Variants in SLC6A15 observed in about 807,000 individuals in gnomAD.
The protein encoded by SLC6A15 is sodium-dependent neutral amino acid transporter B(0)AT2.
In SLC6A15, 33 loss-of-function variants were observed where a neutral mutation model predicts 68.5. The observed-to-expected ratio is 0.48, with a 90% CI of 0.37 to 0.64. The LOEUF (loss-of-function observed/expected upper bound fraction) is 0.64. SLC6A15 is among the 30% of genes least tolerant of loss of function. SLC6A15 has a pLI of 0.00. For synonymous variants in SLC6A15, 347 were observed against 301.0 expected (o/e 1.15, Z -1.58); for missense variants, 747 against 874.3 (o/e 0.85, Z 1.84).
In SLC6A15 at chr12:84,861,973, C is replaced by T. The variant is rs2120523331; in HGVS notation, c.1852G>A (p.Gly618Arg). The change falls in exon 12 of 12, where the codon GGA (glycine) becomes AGA (arginine). Residue 618 changes from glycine to arginine, a missense_variant. Physicochemically the swap from Gly to Arg is moderately radical, Grantham distance 125. Coordinates refer to ENST00000266682, the MANE Select transcript of SLC6A15 (RefSeq NM_182767.6). The part of the protein sequence containing the change: ...SEEFLSYPTW[G>R]LVVCVSLVVF... ...ACCAGAGAGACACAAACAACCAGTC[C>T]CCATGTTGGATAGCTCAGAAATTCT... is the stretch of plus-strand genomic sequence containing the variant. 6.2e-7 allele frequency: 1 copy of T among 1,609,982 alleles called. No homozygotes were observed. The highest frequency in any genetic ancestry group is 8.5e-7 in the Non-Finnish European group (1 of 1,178,578).
At chr12:84,901,925 G>T (rs1259986931) in intron 1 of SLC6A15, among the ~76,000 whole-genome samples, 2 of 151,366 alleles carry the variant, frequency 1.3e-5, no homozygotes, top group Non-Finnish European at 3.0e-5. Context: ...TCTAATATAG[G>T]ACAAAAATAA....
At chr12:84,870,771 C>G in intron 8 of SLC6A15, 101 bp from the exon 9 acceptor site, 1 of 654,640 alleles carries the variant, frequency 1.5e-6, no homozygotes, top group Non-Finnish European at 2.5e-6. Flanking sequence ...GAATAATGGC[C>G]AGGACTGCTG....
intron 4 of SLC6A15, among the ~76,000 whole-genome samples, chr12:84,885,020 G>A (rs1872020700): frequency 6.6e-6 from 1 of 151,382 alleles, no homozygotes; most frequent in Non-Finnish European, 1.5e-5. Flanking sequence ...TATATTATGG[G>A]ATTTAAAAAA....
At chr12:84,900,856 T>G (rs911945722) in intron 1 of SLC6A15, among the ~76,000 whole-genome samples, 8 of 151,058 alleles carry the variant, frequency 5.3e-5, no homozygotes, top group Non-Finnish European at 1.2e-4. Flanking sequence ...TGTTATAGAT[T>G]TTCTTTCAAC....
intron 1 of SLC6A15, among the ~76,000 whole-genome samples, chr12:84,904,343 C>T (rs1396585957): frequency 6.6e-6 from 1 of 152,036 alleles, no homozygotes; most frequent in Non-Finnish European, 1.5e-5. Flanking sequence ...CCAGGTAACA[C>T]ACCAATTAGA....
At chr12:84,898,121 C>T (rs1872705798) in intron 1 of SLC6A15, among the ~76,000 whole-genome samples, 1 of 152,200 alleles carries the variant, frequency 6.6e-6, no homozygotes, top group African/African-American at 2.4e-5. Context: ...GGGCAGATCA[C>T]TTGATGCCAG....
Position 84,891,899 on chromosome 12 carries a change from T to C in SLC6A15, c.222A>G (p.Gln74=), listed in dbSNP as rs1041615569. The C allele has an allele frequency of 6.8e-6, 11 of 1,613,934 alleles. No individual in the cohort carries two copies. The highest frequency in any genetic ancestry group is 2.7e-5 in the African/African-American group (2 of 74,912). The stretch of plus-strand genomic sequence containing the variant: ...TTCCTAAACCTACAGAAAATCCAAC[T>C]TGGGCCAGGATGTATTGTAGTTTAC... ...WNSKLQYILA[Q]VGFSVGLGNV... The change falls in exon 2 of 12, where the codon CAA becomes CAG. Residue 74 remains glutamine, a synonymous_variant. Coordinates refer to ENST00000266682, the MANE Select transcript of SLC6A15 (RefSeq NM_182767.6).
intron 2 of SLC6A15, among the ~76,000 whole-genome samples, chr12:84,886,827 C>T (rs2120651104): frequency 6.6e-6 from 1 of 152,236 alleles, no homozygotes; most frequent in African/African-American, 2.4e-5. Flanking sequence ...CAAATTAAGA[C>T]ATATGACTAT....
intron 6 of SLC6A15, among the ~76,000 whole-genome samples, chr12:84,874,784 G>A (rs889305477): frequency 6.6e-6 from 1 of 152,040 alleles, no homozygotes; most frequent in Admixed American, 6.5e-5. Context: ...ATTACCAGCA[G>A]CCCAGTTTCT....
At chr12:84,874,353 C>T (rs1448190222) in intron 6 of SLC6A15, 3 of 152,048 alleles carry the variant, frequency 2.0e-5, no homozygotes, top group Admixed American at 6.6e-5. Context: ...GCTCAGTAAC[C>T]GATAACATAG....
At chr12:84,898,676 GA>G (rs1872730116) in intron 1 of SLC6A15, among the ~76,000 whole-genome samples, 1 of 152,118 alleles carries the variant, frequency 6.6e-6, no homozygotes, top group Admixed American at 6.5e-5. Context: ...ACACTGAGAG[GA>G]CTCAATATAT....
chr12:84,869,452 A>G (rs572808661), intron 9 of SLC6A15, among the ~76,000 whole-genome samples: 17 of 137,848 alleles, frequency 1.2e-4, no homozygotes, highest in South Asian at 2.4e-4. Flanking sequence ...GCGACAGAGC[A>G]AGACTCCGTC....
rs780632349 is a variant in SLC6A15, at chr12:84,861,895, G to A, written c.1930C>T (p.Leu644Phe). ...PVVFIVRRFNLIDDSSGNLAS... is the reference protein window; with the variant it reads ...PVVFIVRRFNFIDDSSGNLAS... ...AAATTACCAGAACTATCATCTATAAGGTTGAAGCGACGAACAATGAAAACT... is the reference window on the plus strand; with the variant it reads ...AAATTACCAGAACTATCATCTATAAAGTTGAAGCGACGAACAATGAAAACT... Residue 644 changes from leucine (L) to phenylalanine (F), a missense_variant, in exon 12 of 12, where the codon CTT becomes TTT. By Grantham distance (22) the Leu-to-Phe change is conservative (BLOSUM62 0). Coordinates refer to ENST00000266682, the MANE Select transcript of SLC6A15 (RefSeq NM_182767.6). The A allele has an allele frequency of 6.2e-7, 1 of 1,613,910 alleles. No individual in the cohort carries two copies. The highest frequency in any genetic ancestry group is 8.5e-7 in the Non-Finnish European group (1 of 1,179,900).
intron 5 of SLC6A15, among the ~76,000 whole-genome samples, chr12:84,880,560 G>T (rs2120617624): frequency 6.6e-6 from 1 of 152,264 alleles, no homozygotes; most frequent in Non-Finnish European, 1.5e-5. Context: ...AACTAGATCA[G>T]TGTCTAGAAC....
chr12:84,882,535 C>G (rs1394737944), intron 5 of SLC6A15: 1 of 842,894 alleles, frequency 1.2e-6, no homozygotes, highest in African/African-American at 1.8e-5. Context: ...TAACAGGAAG[C>G]AAAGATGAAT....
rs772296811 is a variant in SLC6A15, at chr12:84,861,907, G to T, written c.1918C>A (p.Arg640Ser). Residue 640 changes from arginine (R) to serine (S), a missense_variant, in exon 12 of 12, where the codon CGT (arginine) becomes AGT (serine). Arg to Ser is a moderately radical substitution (Grantham distance 110). Coordinates refer to ENST00000266682, the MANE Select transcript of SLC6A15 (RefSeq NM_182767.6). Reference sequence around the variant, plus strand: ...CTATCATCTATAAGGTTGAAGCGACGAACAATGAAAACTACAGGGACTGGG... The same window carrying T: ...CTATCATCTATAAGGTTGAAGCGACTAACAATGAAAACTACAGGGACTGGG... ...ILPVPVVFIV[R>S]RFNLIDDSSG... 2 of 1,613,832 alleles carry T rather than the reference G, an allele frequency of 1.2e-6. No homozygotes were observed. The highest frequency in any genetic ancestry group is 1.7e-6 in the Non-Finnish European group (2 of 1,179,892).
chr12:84,863,227 T>C (rs1181350417), intron 11 of SLC6A15, among the ~76,000 whole-genome samples: 1 of 152,180 alleles, frequency 6.6e-6, no homozygotes, highest in Non-Finnish European at 1.5e-5. Flanking sequence ...AGGACAAGGT[T>C]AGTGCTTCAC....
rs553875564 is a variant in SLC6A15 at position 84,874,234 on chromosome 12, G to A, written c.868-906C>T. Among the ~76,000 whole-genome samples the A allele has an allele frequency of 3.3e-5, 5 of 152,114 alleles. No homozygotes were observed. In the South Asian group the frequency reaches 1.0e-3, roughly 31 times the overall value. ...TCTGCCATTTAGTAATTTTAAAATA[G>A]TGCAAACAATGGCAAATGGCGTGTC... On this transcript the variant is annotated intron_variant, in intron 6 of 11. Transcript: ENST00000266682.
intron 1 of SLC6A15, among the ~76,000 whole-genome samples, chr12:84,897,814 A>C (rs1872691759): frequency 6.6e-6 from 1 of 152,190 alleles, no homozygotes; most frequent in African/African-American, 2.4e-5. Context: ...CATAAAATTT[A>C]GCCAAACAGA....
Sources: allele counts gnomAD v4.1 joint callset (sites outside exome capture counted in the v4.1 genomes callset), GRCh38; gene constraint gnomAD v4.1.1; transcripts MANE v1.5; gene names NCBI Gene and HGNC (gene_info 2026-07-23, HGNC 2026-07-21).